Variants in GPRASP1 observed in about 807,000 individuals in gnomAD.
The protein encoded by GPRASP1 is G protein-coupled receptor associated sorting protein 1.
GPRASP1 carries 28 observed loss-of-function variants against 68.4 expected under a neutral mutation model. The ratio of observed to expected loss-of-function variants is 0.41; its 90% confidence interval spans 0.30 to 0.56. GPRASP1 has a LOEUF of 0.56. GPRASP1 is among the 20% of genes least tolerant of loss of function. GPRASP1 has a pLI of 0.29. For synonymous variants in GPRASP1, 304 were observed against 358.2 expected (o/e 0.85, Z 1.71); for missense variants, 913 against 1,031.5 (o/e 0.89, Z 1.57).
At chrX:102,652,659 A>G in intron 3 of GPRASP1, among the ~76,000 whole-genome samples, 172 bp from the exon 4 acceptor site, 1 of 113,001 alleles carries the variant, frequency 8.8e-6, no homozygotes, top group Non-Finnish European at 1.9e-5. Context: ...TATCTCTAGA[A>G]CCTTGAAGCA....
rs748166376 is a variant in GPRASP1, at chrX:102,656,306, G to C, written c.2393G>C (p.Arg798Thr). The C allele has an allele frequency of 5.0e-6, 6 of 1,198,683 alleles. No individual in the cohort carries two copies. The highest frequency in any genetic ancestry group is 5.6e-6 in the Non-Finnish European group (5 of 890,080). Reference sequence around the variant, plus strand: ...AGACTAGAGCCAGCTGCTGAGACTAGAGAAGAAGACAGGCTAGCAGCTGAG... The same window carrying C: ...AGACTAGAGCCAGCTGCTGAGACTACAGAAGAAGACAGGCTAGCAGCTGAG... ...EDRLEPAAETREEDRLAAEKE... is the reference protein window; with the variant it reads ...EDRLEPAAETTEEDRLAAEKE... Residue 798 changes from arginine to threonine, a missense_variant, in exon 6 of 6, where the codon AGA (arginine) becomes ACA (threonine). Coordinates refer to ENST00000537097, the MANE Select transcript of GPRASP1 (RefSeq NM_001184727.2).
At position 102,655,629 on chromosome X, in the gene GPRASP1, A is replaced by C. The variant is rs759707748; in HGVS notation, c.1716A>C (p.Pro572=). The change falls in exon 6 of 6, where the codon CCA becomes CCC. Residue 572 remains proline, a synonymous_variant. Transcript: ENST00000537097. ...IEAGIGEEAR[P]GAEEETIFGS... is the part of the protein sequence containing the mutation. ...CTGGAATCGGAGAAGAGGCCAGGCCAGGAGCTGAAGAAGAGACAATATTCG... is the reference window on the plus strand; with the variant it reads ...CTGGAATCGGAGAAGAGGCCAGGCCCGGAGCTGAAGAAGAGACAATATTCG... 8.3e-6 allele frequency: 10 copies of C among 1,211,690 alleles called. No individual in the cohort carries two copies. The highest frequency in any genetic ancestry group is 1.1e-5 in the Non-Finnish European group (10 of 895,433).
rs1423450472 is a variant in GPRASP1 at position 102,655,880 on chromosome X, A to C, written c.1967A>C (p.His656Pro). ...FGAKEEVSMK[H>P]GTGVRCRFMA... Reference sequence around the variant, plus strand: ...GCCAAAGAAGAGGTCAGTATGAAGCATGGGACTGGTGTCAGATGCAGATTT... The same window carrying C: ...GCCAAAGAAGAGGTCAGTATGAAGCCTGGGACTGGTGTCAGATGCAGATTT... Residue 656 changes from histidine (H) to proline (P), a missense_variant, in exon 6 of 6, where the codon CAT becomes CCT. Physicochemically the swap from His to Pro is moderately conservative, Grantham distance 77. Transcript: ENST00000537097. 1.5e-5 allele frequency: 18 copies of C among 1,211,630 alleles called. No homozygotes were observed. The highest frequency in any genetic ancestry group is 2.0e-5 in the Non-Finnish European group (18 of 895,418).
rs2081438450 is a variant in GPRASP1, at chrX:102,658,488, C to T, written c.*387C>T. ...CTTCTTCTTGAAATTAAAATACAGA[C>T]CCAATGATAACACATGAACACACAT... On this transcript the variant is annotated 3_prime_UTR_variant, in exon 6 of 6. Coordinates refer to ENST00000537097, the MANE Select transcript of GPRASP1 (RefSeq NM_001184727.2). 1 of 131,950 alleles carries T rather than the reference C, an allele frequency of 7.6e-6. No homozygotes were observed. Among genetic ancestry groups the T allele is most frequent in the African/African-American group, 3.2e-5 (1 of 31,441 alleles). 10.9% of individuals were successfully genotyped at this position (131,950 alleles called of 1,213,427 possible). A position where few individuals can be genotyped will look rare whatever the true frequency, so the allele number is the denominator to read the frequency against.
In GPRASP1 at chrX:102,658,890, T is replaced by G. The variant is rs1459884404; in HGVS notation, c.*789T>G. 1 of 122,535 alleles carries G rather than the reference T, an allele frequency of 8.2e-6. No homozygotes were observed. The highest frequency in any genetic ancestry group is 3.3e-5 in the African/African-American group (1 of 30,572). 10.1% of individuals were successfully genotyped at this position (122,535 alleles called of 1,213,427 possible). The stretch of plus-strand genomic sequence containing the variant: ...AGGAAAGCATAGGGATTTGATTGAG[T>G]CAGGAAGACAATTTAATCATGATGG... On this transcript the variant is annotated 3_prime_UTR_variant, in exon 6 of 6. Coordinates refer to ENST00000537097, the MANE Select transcript of GPRASP1 (RefSeq NM_001184727.2).
chrX:102,654,859 A>T lies in GPRASP1; in HGVS notation c.946A>T (p.Lys316Ter). 2 of 1,211,602 alleles carry T rather than the reference A, an allele frequency of 1.7e-6. No individual in the cohort carries two copies. Among genetic ancestry groups the T allele is most frequent in the Non-Finnish European group, 2.2e-6 (2 of 895,043 alleles). ...CTGGTTTGGGGCTGGAAAGGAGGCC[A>T]AATTCAGGTCCAAAATGAGAGCTGG... The part of the protein sequence containing the change: ...ESWFGAGKEA[K>*]FRSKMRAGKE... Residue 316 changes from lysine to a stop codon, truncating the protein, a stop_gained, in exon 6 of 6, where the codon AAA (lysine) becomes TAA (stop). Transcript: ENST00000537097. LOFTEE classifies it high-confidence loss of function.
At position 102,654,628 on chromosome X, in the gene GPRASP1, T is replaced by G. The variant is rs1299390009; in HGVS notation, c.715T>G (p.Ser239Ala). ...TCAAGAGGCTAATACCATGTCTAGG[T>G]CCCAAACTAACCAGGAGCTCTATAT... ...ANQEANTMSR[S>A]QTNQELYIAS... Residue 239 changes from serine to alanine, a missense_variant, in exon 6 of 6, where the codon TCC becomes GCC. By Grantham distance (99) the Ser-to-Ala change is moderately conservative (BLOSUM62 1). Transcript: ENST00000537097. The G allele has an allele frequency of 8.3e-7, 1 of 1,207,455 alleles. No individual in the cohort carries two copies. Among genetic ancestry groups the G allele is most frequent in the Non-Finnish European group, 1.1e-6 (1 of 892,801 alleles).
Position 102,655,152 on chromosome X carries a change from C to T in GPRASP1, c.1239C>T (p.Asp413=), listed in dbSNP as rs144058687. The change falls in exon 6 of 6, where the codon GAC becomes GAT. Residue 413 remains aspartate (D), a synonymous_variant. Transcript: ENST00000537097. ...ALIGTWFWAT[D]ESSMADEASI... Reference sequence around the variant, plus strand: ...TTGGGACCTGGTTCTGGGCTACAGACGAGTCCAGCATGGCAGATGAAGCCA... The same window carrying T: ...TTGGGACCTGGTTCTGGGCTACAGATGAGTCCAGCATGGCAGATGAAGCCA... 3.2e-5 allele frequency: 39 copies of T among 1,210,204 alleles called. No individual in the cohort carries two copies. The African/African-American group carries it at 4.2e-4, about 13-fold the overall frequency.
Position 102,654,084 on chromosome X carries a change from G to A in GPRASP1, c.171G>A (p.Lys57=), listed in dbSNP as rs752291991. Residue 57 remains lysine (K), a synonymous_variant, in exon 6 of 6, where the codon AAG becomes AAA. Coordinates refer to ENST00000537097, the MANE Select transcript of GPRASP1 (RefSeq NM_001184727.2). ...GGGCAAGGCCCAAGAATAAGTCCAA[G>A]GTTATGCCTGGAGCAAGCACCAAAG... The part of the protein sequence containing the change: ...MPGARPKNKS[K]VMPGASTKVE... 3.3e-6 allele frequency: 4 copies of A among 1,212,345 alleles called. No individual in the cohort carries two copies. The Admixed American group carries it at 6.5e-5, about 20-fold the overall frequency.
rs2081419044 is a variant in GPRASP1 at position 102,657,042 on chromosome X, G to A, written c.3129G>A (p.Gln1043=). The A allele has an allele frequency of 2.5e-6, 3 of 1,210,857 alleles. No homozygotes were observed. The highest frequency in any genetic ancestry group is 1.8e-5 in the South Asian group (1 of 56,980). Residue 1043 remains glutamine, a synonymous_variant, in exon 6 of 6, where the codon CAG becomes CAA. Coordinates refer to ENST00000537097, the MANE Select transcript of GPRASP1 (RefSeq NM_001184727.2). ...EQEPDPSRRP[Q]SWEEVTVQFK... is the part of the protein sequence containing the mutation. ...AGCCTGATCCTTCACGCAGGCCTCA[G>A]AGTTGGGAGGAGGTCACTGTTCAGT...
chrX:102,655,838 T>C lies in GPRASP1; in HGVS notation c.1925T>C (p.Met642Thr). 8.3e-7 allele frequency: 1 copy of C among 1,211,137 alleles called. No individual in the cohort carries two copies. Among genetic ancestry groups the C allele is most frequent in the Non-Finnish European group, 1.1e-6 (1 of 895,252 alleles). ...KSSLEDKEEA[M>T]IPCFGAKEEV... is the part of the protein sequence containing the mutation. ...AGCCTGGAGGACAAGGAAGAGGCCA[T>C]GATACCATGTTTTGGAGCCAAAGAA... Residue 642 changes from methionine (M) to threonine (T), a missense_variant, in exon 6 of 6, where the codon ATG (methionine) becomes ACG (threonine). Transcript: ENST00000537097.
In GPRASP1 at chrX:102,654,576, C is replaced by T; in HGVS notation, c.663C>T (p.Asp221=). ...AKFHPGNRVK[D]SNRSMHMANQ... ...TTCATCCTGGGAATAGGGTAAAAGA[C>T]AGTAACAGATCCATGCACATGGCCA... The change falls in exon 6 of 6, where the codon GAC becomes GAT. Residue 221 remains aspartate (D), a synonymous_variant. Coordinates refer to ENST00000537097, the MANE Select transcript of GPRASP1 (RefSeq NM_001184727.2). The T allele has an allele frequency of 8.3e-7, 1 of 1,210,760 alleles. No homozygotes were observed. The highest frequency in any genetic ancestry group is 3.0e-5 in the East Asian group (1 of 33,835).
chrX:102,654,318 G>C lies in GPRASP1; in HGVS notation c.405G>C (p.Leu135=). ...DSVLVAKTKY[L]SEDRELVNTD... ...TCTTGGTTGCTAAAACAAAGTACCTGTCTGAGGATAGAGAACTGGTTAATA... is the reference window on the plus strand; with the variant it reads ...TCTTGGTTGCTAAAACAAAGTACCTCTCTGAGGATAGAGAACTGGTTAATA... The change falls in exon 6 of 6, where the codon CTG becomes CTC. Residue 135 remains leucine (L), a synonymous_variant. Transcript: ENST00000537097. 1 of 1,211,356 alleles carries C rather than the reference G, an allele frequency of 8.3e-7. No homozygotes were observed.
In GPRASP1 at chrX:102,655,822, G is replaced by A; in HGVS notation, c.1909G>A (p.Asp637Asn). ...TGTCAACAGCAAGTCTAGCCTGGAG[G>A]ACAAGGAAGAGGCCATGATACCATG... ...GDVNSKSSLE[D>N]KEEAMIPCFG... Residue 637 changes from aspartate to asparagine, a missense_variant, in exon 6 of 6, where the codon GAC (aspartate) becomes AAC (asparagine). Physicochemically the swap from Asp to Asn is conservative, Grantham distance 23. Transcript: ENST00000537097. The A allele has an allele frequency of 8.3e-7, 1 of 1,211,111 alleles. No individual in the cohort carries two copies. The highest frequency in any genetic ancestry group is 1.1e-6 in the Non-Finnish European group (1 of 895,089).
At chrX:102,653,045 A>G (rs2147653125) in intron 4 of GPRASP1, 147 bp downstream of exon 4, 1 of 111,968 alleles carries the variant, frequency 8.9e-6, no homozygotes, top group African/African-American at 3.3e-5. Flanking sequence ...TGCAGGGGAC[A>G]TGAGATAGGT....
chrX:102,655,388 A>G lies in GPRASP1; in HGVS notation c.1475A>G (p.Asp492Gly). The G allele has an allele frequency of 8.3e-7, 1 of 1,211,732 alleles. No homozygotes were observed. The highest frequency in any genetic ancestry group is 1.1e-6 in the Non-Finnish European group (1 of 895,454). ...ACCTCTGAATCTATACTAGCAGCTG[A>G]TGATGAACAGGTCATTATTGGTTCC... is the stretch of plus-strand genomic sequence containing the variant. Reference protein sequence around the residue: ...EATSESILAADDEQVIIGSWF... With the variant: ...EATSESILAAGDEQVIIGSWF... Residue 492 changes from aspartate (D) to glycine (G), a missense_variant, in exon 6 of 6, where the codon GAT (aspartate) becomes GGT (glycine). Transcript: ENST00000537097.
rs139097283 is a variant in GPRASP1, at chrX:102,655,021, A to T, written c.1108A>T (p.Met370Leu). 1.1e-4 allele frequency: 129 copies of T among 1,210,617 alleles called. No individual in the cohort carries two copies. The highest frequency in any genetic ancestry group is 1.3e-4 in the Non-Finnish European group (120 of 895,163). ...EENANTFSRPMIKKEARARAM... is the reference protein window; with the variant it reads ...EENANTFSRPLIKKEARARAM... ...AAATGCTAATACCTTTTCAAGGCCC[A>T]TGATCAAGAAAGAGGCCAGGGCCAG... Residue 370 changes from methionine to leucine, a missense_variant, in exon 6 of 6, where the codon ATG becomes TTG. Transcript: ENST00000537097.
Position 102,654,234 on chromosome X carries a change from GAC to G in GPRASP1, c.323_324del (p.Thr108ArgfsTer17). ...PRFGAERLSK[T>X]ERNSQTNIIA... ...GGTTTGGTGCTGAAAGATTGTCTAA[GAC>G]AGAGAGAAACTCCCAGACCAATATC... is the stretch of plus-strand genomic sequence containing the variant. On this transcript the variant is annotated frameshift_variant, in exon 6 of 6. Transcript: ENST00000537097. LOFTEE classifies it high-confidence loss of function. 8.3e-7 allele frequency: 1 copy of G among 1,211,936 alleles called. No homozygotes were observed. The highest frequency in any genetic ancestry group is 1.1e-6 in the Non-Finnish European group (1 of 895,264).
chrX:102,654,920 A>G lies in GPRASP1; in HGVS notation c.1007A>G (p.Lys336Arg). The G allele has an allele frequency of 8.2e-7, 1 of 1,212,229 alleles. No homozygotes were observed. The highest frequency in any genetic ancestry group is 1.1e-6 in the Non-Finnish European group (1 of 895,557). ...EANNRARHRAKREACIDFMPG... is the reference protein window; with the variant it reads ...EANNRARHRARREACIDFMPG... ...AATAACAGGGCCAGGCACAGGGCCA[A>G]GCGAGAAGCTTGCATTGATTTCATG... The change falls in exon 6 of 6, where the codon AAG (lysine) becomes AGG (arginine). Residue 336 changes from lysine to arginine, a missense_variant. By Grantham distance (26) the Lys-to-Arg change is conservative. Transcript: ENST00000537097.
Sources: allele counts gnomAD v4.1 joint callset (sites outside exome capture counted in the v4.1 genomes callset), GRCh38; gene constraint gnomAD v4.1.1; transcripts MANE v1.5; gene names NCBI Gene and HGNC (gene_info 2026-07-23, HGNC 2026-07-21).